COL21A1: variants seen among roughly 807,000 people sequenced by gnomAD.
COL21A1 encodes collagen alpha-1(XXI) chain.
A neutral mutation model predicts 137.9 loss-of-function variants in COL21A1; 149 were observed. The observed-to-expected ratio is 1.08, with a 90% CI of 0.95 to 1.24. The LOEUF (loss-of-function observed/expected upper bound fraction) is 1.24, where lower values mean the gene tolerates loss of function less well. COL21A1 is among the 50% of genes most tolerant of loss of function. COL21A1 has a pLI of 0.00. For synonymous variants in COL21A1, 456 were observed against 391.5 expected, an observed-to-expected ratio of 1.16 and a Z score of -1.95; for missense variants, 1,167 against 1,158.4, an observed-to-expected ratio of 1.01 and a Z score of -0.11.
intron 17 of COL21A1, among the ~76,000 whole-genome samples, chr6:56,093,494 G>C (rs533224850): frequency 6.6e-6 from 1 of 151,574 alleles, no homozygotes; most frequent in African/African-American, 2.4e-5. Flanking sequence ...CAAAGGATAA[G>C]TTATCAACAT....
intron 1 of COL21A1, among the ~76,000 whole-genome samples, chr6:56,201,378 C>G (rs1490506009): frequency 6.6e-6 from 1 of 152,100 alleles, no homozygotes; most frequent in Non-Finnish European, 1.5e-5. Flanking sequence ...AAGTCCTTGC[C>G]CATGCCTATG....
chr6:56,349,347 A>G (rs569730375), intron 1 of COL21A1, among the ~76,000 whole-genome samples: 757 of 31,172 alleles, frequency 0.024, 5 homozygotes, highest in African/African-American at 0.053. Flanking sequence ...CGCCCCCCTG[A>G]AAAAAAAAAA....
chr6:56,206,952 C>A (rs574292183), intron 1 of COL21A1, among the ~76,000 whole-genome samples: 4 of 151,846 alleles, frequency 2.6e-5, no homozygotes, highest in Admixed American at 2.6e-4. Context: ...GGGTAAATAA[C>A]AAAATGAAGG....
intron 1 of COL21A1, among the ~76,000 whole-genome samples, chr6:56,218,106 G>C (rs1780603713): frequency 6.6e-6 from 1 of 152,034 alleles, no homozygotes; most frequent in Non-Finnish European, 1.5e-5. Flanking sequence ...ATACAATTTA[G>C]TACCCTCTTT....
chr6:56,232,443 T>C (rs1440389235), intron 1 of COL21A1, among the ~76,000 whole-genome samples: 1 of 151,792 alleles, frequency 6.6e-6, no homozygotes, highest in Non-Finnish European at 1.5e-5. Context: ...CTAAAAGGGG[T>C]TATGTTGTAT....
intron 1 of COL21A1, among the ~76,000 whole-genome samples, chr6:56,187,509 A>G (rs9464349): frequency 0.022 from 3,289 of 152,302 alleles, 121 homozygotes; most frequent in African/African-American, 0.075. Context: ...ACAGAACACA[A>G]TAGAGTTTCG....
At chr6:56,253,511 A>C (rs73745419) in intron 1 of COL21A1, among the ~76,000 whole-genome samples, 1,554 of 152,324 alleles carry the variant, frequency 0.01, 31 homozygotes, top group African/African-American at 0.035. Context: ...CAACACAGAG[A>C]AAAGTAGAAC....
Position 56,069,030 on chromosome 6 carries a change from C to G in COL21A1, c.2091+16G>C, listed in dbSNP as rs1171724415. On this transcript the variant is annotated intron_variant, in intron 22 of 29. Transcript: ENST00000244728. ...AACTGGTTAAAAGCGAACTGTATCT[C>G]CTAACCAATGCATACCTTTTTTCCT... is the stretch of plus-strand genomic sequence containing the variant. 6.3e-7 allele frequency: 1 copy of G among 1,580,736 alleles called. No individual in the cohort carries two copies. The highest frequency in any genetic ancestry group is 2.3e-5 in the East Asian group (1 of 43,910).
At chr6:56,214,948 G>A (rs1780390488) in intron 1 of COL21A1, among the ~76,000 whole-genome samples, 1 of 152,024 alleles carries the variant, frequency 6.6e-6, no homozygotes, top group African/African-American at 2.4e-5. Flanking sequence ...ATATATAGCT[G>A]AACAGTCAAC....
At chr6:56,084,217 A>ATAT (rs1554202798) in intron 17 of COL21A1, among the ~76,000 whole-genome samples, 2 of 149,204 alleles carry the variant, frequency 1.3e-5, no homozygotes, top group East Asian at 2.0e-4. Context: ...ATGCAGAAAA[A>ATAT]ATATATATAT....
chr6:56,325,961 T>C (rs1340898194), intron 1 of COL21A1, among the ~76,000 whole-genome samples: 1 of 2,206 alleles, frequency 4.5e-4, no homozygotes, highest in African/African-American at 1.2e-3. Flanking sequence ...ATAATATATA[T>C]AATATATATT....
chr6:56,202,515 C>G (rs1427652529), intron 1 of COL21A1, among the ~76,000 whole-genome samples: 1 of 149,672 alleles, frequency 6.7e-6, no homozygotes, highest in Non-Finnish European at 1.5e-5. Context: ...TTAATTCGAT[C>G]TTTTTCTACT....
intron 1 of COL21A1, among the ~76,000 whole-genome samples, chr6:56,204,735 G>T (rs1006677219): frequency 6.6e-6 from 1 of 152,148 alleles, no homozygotes; most frequent in Non-Finnish European, 1.5e-5. Flanking sequence ...GAGAGCTCTG[G>T]CTGGCATCTG....
At chr6:56,211,432 T>G (rs1780171208) in intron 1 of COL21A1, among the ~76,000 whole-genome samples, 1 of 152,028 alleles carries the variant, frequency 6.6e-6, no homozygotes, top group Admixed American at 6.6e-5. Context: ...TTGGAGTTAC[T>G]AAAAAATATG....
intron 9 of COL21A1, among the ~76,000 whole-genome samples, chr6:56,160,443 A>T (rs1369028377): frequency 2.0e-5 from 3 of 152,164 alleles, no homozygotes; most frequent in African/African-American, 7.2e-5. Context: ...AAGCTCCTAA[A>T]CACTACCATT....
At chr6:56,271,942 T>C (rs1039088629) in intron 1 of COL21A1, among the ~76,000 whole-genome samples, 2 of 152,140 alleles carry the variant, frequency 1.3e-5, no homozygotes, top group African/African-American at 4.8e-5. Context: ...TATCGGAGGA[T>C]GTATGGAAAT....
At chr6:56,129,975 G>T (rs1291067088) in intron 12 of COL21A1, among the ~76,000 whole-genome samples, 1 of 151,334 alleles carries the variant, frequency 6.6e-6, no homozygotes, top group African/African-American at 2.4e-5. Context: ...GTGTGTTTGT[G>T]TGTGTCATTC....
At chr6:56,302,684 G>A (rs1352481392) in intron 1 of COL21A1, among the ~76,000 whole-genome samples, 1 of 152,154 alleles carries the variant, frequency 6.6e-6, no homozygotes, top group South Asian at 2.1e-4. Flanking sequence ...TAGGTTGCCT[G>A]TTCACTCTGA....
intron 16 of COL21A1, among the ~76,000 whole-genome samples, chr6:56,122,497 T>C (rs1582414786): frequency 6.6e-6 from 1 of 152,232 alleles, no homozygotes; most frequent in East Asian, 1.9e-4. Context: ...GTATTTTTAA[T>C]AGGGCATGGT....
Sources: allele counts gnomAD v4.1 joint callset (sites outside exome capture counted in the v4.1 genomes callset), GRCh38; gene constraint gnomAD v4.1.1; transcripts MANE v1.5; gene names NCBI Gene and HGNC (gene_info 2026-07-23, HGNC 2026-07-21).